Variants in NEK1 observed in about 807,000 individuals in gnomAD.
The protein encoded by NEK1 is serine/threonine-protein kinase Nek1.
NEK1 carries 137 observed loss-of-function variants against 182.1 expected under a neutral mutation model. That is an observed-to-expected ratio of 0.75 (90% CI 0.65 to 0.87). The LOEUF (loss-of-function observed/expected upper bound fraction) is 0.87, where lower values mean the gene tolerates loss of function less well. Among genes scored for constraint, NEK1 ranks in the 40% least tolerant of loss-of-function variants. NEK1 has a pLI of 0.00. For missense variants in NEK1, 1,391 were observed against 1,494.4 expected (o/e 0.93, Z 1.14); for synonymous variants, 513 against 492.2 (o/e 1.04, Z -0.56).
At chr4:169,477,595 T>C (rs1466443356) in intron 24 of NEK1, 98 bp from the exon 25 acceptor site, 1 of 888,208 alleles carries the variant, frequency 1.1e-6, no homozygotes, top group Non-Finnish European at 1.7e-6. Context: ...TTTTCATTAA[T>C]TTGTTCCTTG....
At chr4:169,521,707 AGATT>A (rs2149750845) in intron 19 of NEK1, among the ~76,000 whole-genome samples, 1 of 152,356 alleles carries the variant, frequency 6.6e-6, no homozygotes, top group South Asian at 2.1e-4. Flanking sequence ...ATAGAATTAA[AGATT>A]GATAGTACTT....
At chr4:169,450,212 C>T (rs988664252) in intron 27 of NEK1, among the ~76,000 whole-genome samples, 1 of 152,084 alleles carries the variant, frequency 6.6e-6, no homozygotes. Context: ...ATTGGTGTAC[C>T]TGAAAGTGAT....
intron 23 of NEK1, among the ~76,000 whole-genome samples, chr4:169,487,093 A>C (rs1749167157): frequency 6.6e-6 from 1 of 152,184 alleles, no homozygotes; most frequent in East Asian, 1.9e-4. Flanking sequence ...AAATATGTCA[A>C]AGAGAAAATT....
chr4:169,562,317 C>A, intron 12 of NEK1, 121 bp from the exon 13 acceptor site: 1 of 589,002 alleles, frequency 1.7e-6, no homozygotes, highest in Non-Finnish European at 2.8e-6. Context: ...AACTCTCTTC[C>A]AAATTACATT....
chr4:169,400,945 C>T (rs1027551301), intron 33 of NEK1, among the ~76,000 whole-genome samples: 1 of 149,782 alleles, frequency 6.7e-6, no homozygotes, highest in African/African-American at 2.4e-5. Flanking sequence ...GGAAAAAGCA[C>T]ACCTCCATGT....
At chr4:169,406,517 C>T (rs1423166315) in intron 32 of NEK1, 79 bp downstream of exon 32, 1 of 1,000,800 alleles carries the variant, frequency 1.0e-6, no homozygotes, top group Non-Finnish European at 1.4e-6. Context: ...AAAAAAAGAG[C>T]TAGGTAAGTT....
intron 23 of NEK1, among the ~76,000 whole-genome samples, chr4:169,480,130 C>G (rs1196018385): frequency 6.6e-6 from 1 of 152,094 alleles, no homozygotes; most frequent in Non-Finnish European, 1.5e-5. Context: ...ATGGGTATGA[C>G]AATAGTAACA....
At chr4:169,608,494 C>T (rs992896962) in intron 2 of NEK1, among the ~76,000 whole-genome samples, 6 of 152,032 alleles carry the variant, frequency 3.9e-5, no homozygotes, top group Non-Finnish European at 5.9e-5. Context: ...TAAAATAAAA[C>T]ATGGGAGAAT....
chr4:169,547,271 T>A (rs1045338061), intron 18 of NEK1, among the ~76,000 whole-genome samples: 5 of 152,228 alleles, frequency 3.3e-5, no homozygotes, highest in Non-Finnish European at 7.3e-5. Flanking sequence ...GGTTGAAAAT[T>A]ATTTTCTTGA....
At chr4:169,585,057 T>C (rs982837494) in intron 10 of NEK1, among the ~76,000 whole-genome samples, 7 of 152,000 alleles carry the variant, frequency 4.6e-5, no homozygotes, top group Admixed American at 6.6e-5. Context: ...AGTGTGGTGG[T>C]GCACACCTGT....
At chr4:169,413,169 TA>T (rs1178030856) in intron 31 of NEK1, among the ~76,000 whole-genome samples, 1 of 63,160 alleles carries the variant, frequency 1.6e-5, no homozygotes, top group South Asian at 8.7e-4. Context: ...ATAGTACAGC[TA>T]ATTTTTTTTT....
At chr4:169,611,871 G>A (rs1235347829) in intron 2 of NEK1, 149 bp downstream of exon 2, 1 of 152,186 alleles carries the variant, frequency 6.6e-6, no homozygotes, top group African/African-American at 2.4e-5. Flanking sequence ...GTGTCTTAGA[G>A]AATTAACATT....
chr4:169,459,712 C>T (rs1743593246), intron 27 of NEK1, among the ~76,000 whole-genome samples: 1 of 152,060 alleles, frequency 6.6e-6, no homozygotes, highest in African/African-American at 2.4e-5. Context: ...AAGTAATGAG[C>T]TATTGAGACA....
chr4:169,398,996 C>A (rs181567052), intron 35 of NEK1, among the ~76,000 whole-genome samples: 69 of 152,138 alleles, frequency 4.5e-4, no homozygotes, highest in African/African-American at 1.4e-3. Context: ...ACCTGTAATC[C>A]CAGCACTTTG....
intron 29 of NEK1, among the ~76,000 whole-genome samples, chr4:169,432,071 AG>A (rs895965327): frequency 6.6e-6 from 1 of 151,794 alleles, no homozygotes; most frequent in African/African-American, 2.4e-5. Context: ...TAAAAAAAAA[AG>A]GGGGGGACCA....
chr4:169,487,887 T>G (rs1400768421), intron 23 of NEK1, among the ~76,000 whole-genome samples: 1 of 152,240 alleles, frequency 6.6e-6, no homozygotes, highest in Non-Finnish European at 1.5e-5. Context: ...TTCTCTGTGG[T>G]TCTGATTTGC....
At chr4:169,507,202 G>GTTTTTTT (rs1437728267) in intron 22 of NEK1, 70 bp from the exon 23 acceptor site, 1 of 410,344 alleles carries the variant, frequency 2.4e-6, no homozygotes, top group African/African-American at 2.6e-5. Context: ...TTTTTTTTTG[G>GTTTTTTT]GCCAGGTCTA....
At chr4:169,485,626 T>C (rs1254870155) in intron 23 of NEK1, among the ~76,000 whole-genome samples, 1 of 152,104 alleles carries the variant, frequency 6.6e-6, no homozygotes, top group Non-Finnish European at 1.5e-5. Context: ...TAAAGTTTCA[T>C]ATAAGAGAAA....
intron 19 of NEK1, among the ~76,000 whole-genome samples, chr4:169,535,717 A>G (rs1307480686): frequency 6.6e-6 from 1 of 151,524 alleles, no homozygotes. Flanking sequence ...TGTCTCTACT[A>G]AAAATACAAA....
Sources: allele counts gnomAD v4.1 joint callset (sites outside exome capture counted in the v4.1 genomes callset), GRCh38; gene constraint gnomAD v4.1.1; transcripts MANE v1.5; gene names NCBI Gene and HGNC (gene_info 2026-07-23, HGNC 2026-07-21).